The following ARHGAP24 variants were observed in gnomAD, a reference collection of about 807,000 sequenced individuals.
The protein encoded by ARHGAP24 is Rho GTPase activating protein 24.
ARHGAP24 carries 50 observed loss-of-function variants against 76.4 expected under a neutral mutation model. That is an observed-to-expected ratio of 0.65 (90% confidence interval 0.52 to 0.83). ARHGAP24 has a LOEUF of 0.83. Ranked by LOEUF, ARHGAP24 falls within the 40% of genes least tolerant of loss-of-function variation. The pLI, the probability that ARHGAP24 is intolerant of heterozygous loss-of-function variation, is 0.00. For missense variants in ARHGAP24, 930 were observed against 914.2 expected, an observed-to-expected ratio of 1.02 and a Z score of -0.22; for synonymous variants, 345 against 323.3, an observed-to-expected ratio of 1.07 and a Z score of -0.72.
chr4:85,938,059 A>C (rs1290784814), intron 4 of ARHGAP24, among the ~76,000 whole-genome samples: 1 of 152,064 alleles, frequency 6.6e-6, no homozygotes, highest in African/African-American at 2.4e-5. Context: ...GTAAAGGGGG[A>C]CCCTTACAAA....
rs112606970 is a variant in ARHGAP24 at position 85,627,096 on chromosome 4, C to G, written c.180+56375C>G. Among the ~76,000 whole-genome samples, 574 of 152,260 alleles carry G rather than the reference C, an allele frequency of 3.8e-3. 3 individuals are homozygous for G. The highest frequency in any genetic ancestry group is 0.013 in the African/African-American group (550 of 41,560). ...AACTTGTCAGTCATTCTCTTTCCAG[C>G]TTTGTTCTATTGCTGGTGAGGAGCT... is the stretch of plus-strand genomic sequence containing the variant. On this transcript the variant is annotated intron_variant, in intron 2 of 9. Coordinates refer to ENST00000395184, the MANE Select transcript of ARHGAP24 (RefSeq NM_001025616.3).
chr4:85,934,937 A>G (rs1736548717), intron 4 of ARHGAP24, among the ~76,000 whole-genome samples: 1 of 152,248 alleles, frequency 6.6e-6, no homozygotes, highest in Non-Finnish European at 1.5e-5. Context: ...ACACACACAC[A>G]CACATATTCA....
intron 3 of ARHGAP24, among the ~76,000 whole-genome samples, chr4:85,872,300 AT>A (rs201593256): frequency 8.8e-5 from 13 of 147,792 alleles, no homozygotes; most frequent in Admixed American, 1.4e-4. Context: ...AAAACACTTT[AT>A]TTTTTTTTTA....
chr4:85,880,761 C>T (rs910448678), intron 3 of ARHGAP24, among the ~76,000 whole-genome samples: 1 of 152,170 alleles, frequency 6.6e-6, no homozygotes, highest in Admixed American at 6.5e-5. Flanking sequence ...GATCTCCTGA[C>T]CTCGTGATCC....
At chr4:85,506,618 A>T (rs1724059527) in intron 1 of ARHGAP24, among the ~76,000 whole-genome samples, 1 of 151,968 alleles carries the variant, frequency 6.6e-6, no homozygotes, top group Non-Finnish European at 1.5e-5. Context: ...GTATTTGGGC[A>T]GAAGTGTCCC....
At chr4:85,494,472 G>A in intron 1 of ARHGAP24, among the ~76,000 whole-genome samples, 1 of 151,906 alleles carries the variant, frequency 6.6e-6, no homozygotes, top group Non-Finnish European at 1.5e-5. Flanking sequence ...GGAACACGAG[G>A]TCAAGAGATC....
At chr4:85,547,108 AT>A (rs1370415610) in intron 1 of ARHGAP24, among the ~76,000 whole-genome samples, 1 of 152,104 alleles carries the variant, frequency 6.6e-6, no homozygotes, top group Non-Finnish European at 1.5e-5. Flanking sequence ...TTATATTCAC[AT>A]TTCATCTATT....
intron 2 of ARHGAP24, among the ~76,000 whole-genome samples, chr4:85,698,946 C>T (rs570916932): frequency 1.7e-4 from 26 of 152,178 alleles, no homozygotes; most frequent in Admixed American, 1.6e-3. Flanking sequence ...GTGTGTGGTA[C>T]CACCACCCCC....
chr4:85,476,843 CTT>C, intron 1 of ARHGAP24, among the ~76,000 whole-genome samples: 1 of 152,168 alleles, frequency 6.6e-6, no homozygotes, highest in African/African-American at 2.4e-5. Flanking sequence ...CTCACTCCCC[CTT>C]TTAAATTTCT....
chr4:85,490,788 A>T (rs1226987782), intron 1 of ARHGAP24, among the ~76,000 whole-genome samples: 1 of 152,208 alleles, frequency 6.6e-6, no homozygotes, highest in Non-Finnish European at 1.5e-5. Flanking sequence ...TGGAATCAAA[A>T]AGATTTGTTA....
Position 85,721,953 on chromosome 4 carries a change from C to A in ARHGAP24, c.249C>A (p.Phe83Leu), listed in dbSNP as rs1043861824. 3.7e-6 allele frequency: 6 copies of A among 1,613,258 alleles called. No individual in the cohort carries two copies. The highest frequency in any genetic ancestry group is 1.1e-5 in the South Asian group (1 of 91,046). ...GCAATGAAGAGAACCCAGGGAAGTTCCTTTTTGAAGTAGTTCCAGGTAAGA... is the reference window on the plus strand; with the variant it reads ...GCAATGAAGAGAACCCAGGGAAGTTACTTTTTGAAGTAGTTCCAGGTAAGA... Reference protein sequence around the residue: ...HPCNEENPGKFLFEVVPGGDR... With the variant: ...HPCNEENPGKLLFEVVPGGDR... Residue 83 changes from phenylalanine to leucine, a missense_variant, in exon 3 of 10, where the codon TTC (phenylalanine) becomes TTA (leucine). Phe to Leu is a conservative substitution (Grantham distance 22). Coordinates refer to ENST00000395184, the MANE Select transcript of ARHGAP24 (RefSeq NM_001025616.3).
chr4:85,602,231 A>G, intron 2 of ARHGAP24, among the ~76,000 whole-genome samples: 2 of 152,326 alleles, frequency 1.3e-5, no homozygotes, highest in Middle Eastern at 6.8e-3. Flanking sequence ...AAAATTTGTC[A>G]TATCTCACGT....
At chr4:85,681,807 T>G (rs895096114) in intron 2 of ARHGAP24, among the ~76,000 whole-genome samples, 32 of 152,336 alleles carry the variant, frequency 2.1e-4, no homozygotes, top group African/African-American at 7.5e-4. Flanking sequence ...TCATGTCACT[T>G]TCAATTCAAT....
intron 5 of ARHGAP24, among the ~76,000 whole-genome samples, chr4:85,947,947 A>G (rs1354076350): frequency 6.6e-6 from 1 of 152,218 alleles, no homozygotes; most frequent in Non-Finnish European, 1.5e-5. Flanking sequence ...AAAAAGTATT[A>G]CAAATAGTTT....
intron 3 of ARHGAP24, among the ~76,000 whole-genome samples, chr4:85,811,869 C>G (rs1243984406): frequency 6.6e-6 from 1 of 152,154 alleles, no homozygotes; most frequent in Non-Finnish European, 1.5e-5. Flanking sequence ...TTAGTTTTTT[C>G]TACCTTTATA....
intron 3 of ARHGAP24, among the ~76,000 whole-genome samples, chr4:85,890,127 T>C (rs2148778066): frequency 6.6e-6 from 1 of 152,314 alleles, no homozygotes; most frequent in South Asian, 2.1e-4. Context: ...ATGAAAGGTC[T>C]GTTGAGGACA....
At chr4:85,973,258 A>T (rs147119574) in intron 6 of ARHGAP24, among the ~76,000 whole-genome samples, 68 of 151,652 alleles carry the variant, frequency 4.5e-4, no homozygotes, top group African/African-American at 1.6e-3. Flanking sequence ...TTGAAGGTTG[A>T]ATGGCATTTC....
chr4:85,588,967 T>A (rs1277993611), intron 2 of ARHGAP24, among the ~76,000 whole-genome samples: 2 of 152,316 alleles, frequency 1.3e-5, no homozygotes, highest in Middle Eastern at 3.4e-3. Context: ...CTAAAGGCCA[T>A]CAGATAATAT....
chr4:85,700,509 G>C (rs1724042406), intron 2 of ARHGAP24, among the ~76,000 whole-genome samples: 2 of 152,026 alleles, frequency 1.3e-5, no homozygotes, highest in Admixed American at 1.3e-4. Flanking sequence ...AAGATTTTTG[G>C]CTGAATACCC....
Sources: allele counts gnomAD v4.1 joint callset (sites outside exome capture counted in the v4.1 genomes callset), GRCh38; gene constraint gnomAD v4.1.1; transcripts MANE v1.5; gene names NCBI Gene and HGNC (gene_info 2026-07-23, HGNC 2026-07-21).